Variants in SRSF11 observed in about 807,000 individuals in gnomAD.
SRSF11 encodes serine and arginine rich splicing factor 11.
SRSF11 carries 9 observed loss-of-function variants against 56.0 expected under a neutral mutation model. That is an observed-to-expected ratio of 0.16 (90% confidence interval 0.10 to 0.28). The LOEUF (loss-of-function observed/expected upper bound fraction) is 0.28. Among genes scored for constraint, SRSF11 ranks in the 10% least tolerant of loss-of-function variants. The probability of loss-of-function intolerance (pLI) is 1.00; values close to 1 mark genes in which losing one functional copy is unlikely to be tolerated. For synonymous variants in SRSF11, 222 were observed against 215.3 expected (o/e 1.03, Z -0.27); for missense variants, 421 against 600.7 (o/e 0.70, Z 3.13).
At chr1:70,231,792 A>G (rs1305424022) in intron 2 of SRSF11, 28 of 1,345,720 alleles carry the variant, frequency 2.1e-5, no homozygotes, top group Non-Finnish European at 2.2e-5. Flanking sequence ...TAACTGTACC[A>G]TATTATTAAC....
intron 7 of SRSF11, among the ~76,000 whole-genome samples, chr1:70,243,354 A>AAAT (rs1164908087): frequency 1.5e-5 from 2 of 130,644 alleles, no homozygotes; most frequent in East Asian, 4.0e-4. Flanking sequence ...AAAAAAAAAA[A>AAAT]AAAAAAAAAA....
chr1:70,209,471 T>G (rs986287648), intron 1 of SRSF11, among the ~76,000 whole-genome samples: 1 of 152,232 alleles, frequency 6.6e-6, no homozygotes, highest in Non-Finnish European at 1.5e-5. Context: ...GCTGCTATCT[T>G]ATGGTAAAAG....
chr1:70,222,133 A>G (rs1670786156), intron 1 of SRSF11, among the ~76,000 whole-genome samples: 1 of 152,188 alleles, frequency 6.6e-6, no homozygotes, highest in African/African-American at 2.4e-5. Context: ...ACGCAAGACT[A>G]ACCGCAGTCT....
At chr1:70,245,515 T>C (rs1676551606) in intron 8 of SRSF11, among the ~76,000 whole-genome samples, 1 of 152,184 alleles carries the variant, frequency 6.6e-6, no homozygotes, top group African/African-American at 2.4e-5. Flanking sequence ...TACAAAGGAA[T>C]TAAGCATTTC....
intron 5 of SRSF11, among the ~76,000 whole-genome samples, 155 bp downstream of exon 5, chr1:70,235,705 A>G (rs1673828907): frequency 6.6e-6 from 1 of 152,152 alleles, no homozygotes; most frequent in South Asian, 2.1e-4. Context: ...GAAATACAGA[A>G]GTAAGTAAGG....
In SRSF11 at chr1:70,221,381, G is replaced by A. The variant is rs2100583683; in HGVS notation, c.-256G>A. On this transcript the variant is annotated 5_prime_UTR_variant, in exon 1 of 12. The change creates a new upstream start codon in the 5' untranslated region. Transcript: ENST00000370949. ...GCATTGTGGGAGCTCGGGCCCGCTAGTGTCGTGGTTGGAGGCGAGGTGGGG... is the reference window on the plus strand; with the variant it reads ...GCATTGTGGGAGCTCGGGCCCGCTAATGTCGTGGTTGGAGGCGAGGTGGGG... The A allele has an allele frequency of 2.0e-6, 1 of 506,586 alleles. No homozygotes were observed. The highest frequency in any genetic ancestry group is 3.5e-5 in the East Asian group (1 of 28,782). 31.4% of individuals were successfully genotyped at this position (506,586 alleles called of 1,614,324 possible). A position where few individuals can be genotyped will look rare whatever the true frequency, so the allele number is the denominator to read the frequency against.
chr1:70,251,715 A>G lies in SRSF11; in HGVS notation c.*910A>G, dbSNP rs1401491760. 6.6e-6 allele frequency: 1 copy of G among 152,610 alleles called. No homozygotes were observed. The highest frequency in any genetic ancestry group is 1.9e-4 in the East Asian group (1 of 5,204). 9.5% of individuals were successfully genotyped at this position (152,610 alleles called of 1,614,324 possible). On this transcript the variant is annotated 3_prime_UTR_variant, in exon 12 of 12. Coordinates refer to ENST00000370949, the MANE Select transcript of SRSF11 (RefSeq NM_001350605.2). ...GGAAAAAAGGGGTAGTGCATTTTAA[A>G]TTGACCTTCATACGCTTTTAAAATA...
intron 1 of SRSF11, among the ~76,000 whole-genome samples, chr1:70,222,199 C>T (rs1211794619): frequency 6.6e-6 from 1 of 151,962 alleles, no homozygotes; most frequent in East Asian, 1.9e-4. Flanking sequence ...TTGTTCTTTG[C>T]GTTCTTGGAA....
At chr1:70,230,644 A>C (rs753447946) in intron 2 of SRSF11, 3 of 1,258,686 alleles carry the variant, frequency 2.4e-6, no homozygotes, top group East Asian at 5.6e-5. Flanking sequence ...GCTATTTTTA[A>C]ATTGTAGTTT....
chr1:70,237,371 A>G (rs1292099325), intron 5 of SRSF11, 54 bp from the exon 6 acceptor site: 53 of 1,595,716 alleles, frequency 3.3e-5, no homozygotes, highest in Non-Finnish European at 4.3e-5. Context: ...TTTATTTGAA[A>G]TGCTCGTGTG....
intron 7 of SRSF11, among the ~76,000 whole-genome samples, chr1:70,244,470 A>G (rs529401333): frequency 6.6e-6 from 1 of 152,322 alleles, no homozygotes; most frequent in East Asian, 1.9e-4. Context: ...GCAAATCATT[A>G]AAAGGTGAGG....
At chr1:70,237,382 C>A in intron 5 of SRSF11, 43 bp from the exon 6 acceptor site, 1 of 1,601,530 alleles carries the variant, frequency 6.2e-7, no homozygotes, top group South Asian at 1.1e-5. Flanking sequence ...TGCTCGTGTG[C>A]ATTTTAAAAT....
At chr1:70,232,076 T>A (rs1235113658) in intron 2 of SRSF11, 192 bp from the exon 3 acceptor site, 15 of 1,534,582 alleles carry the variant, frequency 9.8e-6, no homozygotes, top group Non-Finnish European at 1.3e-5. Context: ...GGAAACAAAT[T>A]TTCACACATT....
intron 6 of SRSF11, among the ~76,000 whole-genome samples, chr1:70,238,846 C>T (rs149384372): frequency 3.9e-5 from 6 of 152,250 alleles, no homozygotes; most frequent in African/African-American, 4.8e-5. Flanking sequence ...ACTTCACAGC[C>T]TCTTAAGTCT....
At chr1:70,221,270 C>T (rs998324626), upstream of SRSF11, 1 of 266,502 alleles carries the variant, frequency 3.8e-6, no homozygotes, top group Non-Finnish European at 7.0e-6. Context: ...CTCTAGACCC[C>T]GGTGCCTCTC....
upstream of SRSF11, among the ~76,000 whole-genome samples, chr1:70,217,199 C>A (rs1670088595): frequency 6.6e-6 from 1 of 151,962 alleles, no homozygotes. Flanking sequence ...GCTCTTGTTG[C>A]CCAGGCTGGA....
In SRSF11 at chr1:70,252,362, G is replaced by A. The variant is rs939649168; in HGVS notation, c.*1557G>A. 5.9e-5 allele frequency: 9 copies of A among 152,046 alleles called. No homozygotes were observed. Among genetic ancestry groups the A allele is most frequent in the South Asian group, 2.1e-4 (1 of 4,828 alleles). The allele number at this position is 152,046 out of a possible 1,614,324, so 9.4% of individuals were successfully genotyped here. A position where few individuals can be genotyped will look rare whatever the true frequency, so the allele number is the denominator to read the frequency against. Reference sequence around the variant, plus strand: ...GGAGTAGTATAGAAGCTGTCAATATGTATCTACTGTACAGTACTAAATAGT... The same window carrying A: ...GGAGTAGTATAGAAGCTGTCAATATATATCTACTGTACAGTACTAAATAGT... On this transcript the variant is annotated 3_prime_UTR_variant, in exon 12 of 12. Transcript: ENST00000370949.
upstream of SRSF11, chr1:70,220,844 T>A (rs529045411): frequency 5.4e-5 from 8 of 147,944 alleles, no homozygotes; most frequent in East Asian, 1.6e-3. Context: ...GGCGACTCTG[T>A]CTCAAAAAAA....
chr1:70,224,482 TTC>T (rs1452356551), intron 1 of SRSF11, among the ~76,000 whole-genome samples: 1 of 152,174 alleles, frequency 6.6e-6, no homozygotes, highest in Admixed American at 6.6e-5. Flanking sequence ...GTTTAACAAC[TTC>T]TCTCCTGTAG....
Sources: gnomAD v4.1 joint callset for allele counts (sites outside exome capture counted in the v4.1 genomes callset) on GRCh38, gnomAD v4.1.1 for gene constraint, MANE v1.5 for transcripts, NCBI Gene and HGNC (gene_info 2026-07-23, HGNC 2026-07-21) for gene names.